The following GC variants were observed in gnomAD, a reference collection of about 807,000 sequenced individuals.
GC encodes the protein vitamin D-binding protein.
Under a neutral mutation model 56.7 loss-of-function variants are expected in GC, and 43 were observed. The ratio of observed to expected loss-of-function variants is 0.76; its 90% CI spans 0.59 to 0.98. The LOEUF (loss-of-function observed/expected upper bound fraction) is 0.98, where lower values mean the gene tolerates loss of function less well. GC is among the 50% of genes least tolerant of loss of function. The pLI, the probability that GC is intolerant of heterozygous loss-of-function variation, is 0.00. For synonymous variants in GC, 216 were observed against 202.7 expected (o/e 1.07, Z -0.56); for missense variants, 529 against 545.9 (o/e 0.97, Z 0.31).
chr4:71,756,649 GC>G, intron 8 of GC, 62 bp downstream of exon 8: 1 of 1,090,068 alleles, frequency 9.2e-7, no homozygotes, highest in East Asian at 2.4e-5. Context: ...CATCTGGCTG[GC>G]CCCCACTTTT....
At chr4:71,759,954 C>T (rs893192387) in intron 6 of GC, among the ~76,000 whole-genome samples, 6 of 151,798 alleles carry the variant, frequency 4.0e-5, no homozygotes, top group East Asian at 1.9e-4. Flanking sequence ...ACTATCTCTA[C>T]GTAAAAGGAA....
chr4:71,790,525 T>A (rs1742942545), intron 1 of GC, among the ~76,000 whole-genome samples: 1 of 151,898 alleles, frequency 6.6e-6, no homozygotes, highest in Admixed American at 6.6e-5. Flanking sequence ...TTCTGATTAT[T>A]TTTTCATATG....
chr4:71,795,026 T>C (rs1041894747), intron 1 of GC, among the ~76,000 whole-genome samples: 5 of 152,282 alleles, frequency 3.3e-5, no homozygotes, highest in African/African-American at 1.2e-4. Context: ...TGAGAGATAG[T>C]TTGTTGTGAT....
intron 1 of GC, among the ~76,000 whole-genome samples, chr4:71,797,403 C>A (rs889829460): frequency 2.6e-5 from 4 of 152,246 alleles, no homozygotes; most frequent in Non-Finnish European, 4.4e-5. Flanking sequence ...ATGGGGGACA[C>A]CCCTCCTCCC....
At position 71,792,371 on chromosome 4, in the gene GC, G is replaced by T. The variant is rs111617562; in HGVS notation, c.22-8317C>A. Among the ~76,000 whole-genome samples the T allele has an allele frequency of 1.7e-4, 26 of 152,318 alleles. 2 individuals carry two copies. Among genetic ancestry groups the T allele is most frequent in the African/African-American group, 6.3e-4 (26 of 41,570 alleles). On this transcript the variant is annotated intron_variant, in intron 1 of 13. Transcript: ENST00000504199. The stretch of plus-strand genomic sequence containing the variant: ...ATGATCACCATTCTAACTGGCGTGA[G>T]ATGGTATCTCATTGTGGTTTTGATT...
intron 7 of GC, 61 bp downstream of exon 7, chr4:71,757,981 A>G: frequency 6.9e-7 from 1 of 1,454,186 alleles, no homozygotes; most frequent in Non-Finnish European, 9.5e-7. Flanking sequence ...AGTACCTGCC[A>G]CTCAGTACTT....
At chr4:71,793,396 T>G (rs552908077) in intron 1 of GC, among the ~76,000 whole-genome samples, 1 of 152,344 alleles carries the variant, frequency 6.6e-6, no homozygotes. Flanking sequence ...GTTGTATTCC[T>G]AGGTATTTTA....
upstream of GC, chr4:71,784,406 T>G (rs1742780800): frequency 1.5e-6 from 1 of 678,918 alleles, no homozygotes; most frequent in South Asian, 6.7e-5. Context: ...GCTGTGTGTC[T>G]TCTTTGGACA....
chr4:71,783,473 A>G (rs553947363), intron 1 of GC, among the ~76,000 whole-genome samples: 1 of 151,898 alleles, frequency 6.6e-6, no homozygotes, highest in Admixed American at 6.6e-5. Context: ...TTAAAAATAC[A>G]ATGCATTTTC....
intron 1 of GC, among the ~76,000 whole-genome samples, chr4:71,776,740 T>C (rs148548433): frequency 1.8e-4 from 28 of 152,050 alleles, no homozygotes; most frequent in African/African-American, 6.5e-4. Context: ...AACTATTCCA[T>C]TGTGCCCCAG....
intron 2 of GC, 109 bp downstream of exon 2, chr4:71,769,222 C>T (rs928392850): frequency 2.5e-6 from 2 of 787,576 alleles, no homozygotes; most frequent in Non-Finnish European, 4.2e-6. Flanking sequence ...TGTCCTCTTA[C>T]TCTTGGCAAG....
intron 4 of GC, among the ~76,000 whole-genome samples, chr4:71,764,603 TTTA>T (rs1742098647): frequency 6.6e-6 from 1 of 152,138 alleles, no homozygotes; most frequent in African/African-American, 2.4e-5. Flanking sequence ...TCTATCTCAG[TTTA>T]TTACTTTAGA....
At chr4:71,769,609 C>A in intron 1 of GC, 1 of 503,594 alleles carries the variant, frequency 2.0e-6, no homozygotes, top group Non-Finnish European at 3.6e-6. Context: ...TTTTAGTCAC[C>A]AGCAGAACAA....
chr4:71,750,910 A>T (rs369091055), intron 11 of GC, among the ~76,000 whole-genome samples: 1 of 132,628 alleles, frequency 7.5e-6, no homozygotes, highest in African/African-American at 2.9e-5. Context: ...CAAAAAAAAA[A>T]CGGGTTTAAG....
chr4:71,790,755 T>C (rs1394580342), intron 1 of GC, among the ~76,000 whole-genome samples: 1 of 151,452 alleles, frequency 6.6e-6, no homozygotes, highest in Admixed American at 6.6e-5. Flanking sequence ...TTTCTTTTTT[T>C]TAATTTAATT....
intron 11 of GC, among the ~76,000 whole-genome samples, chr4:71,749,255 C>T (rs556819603): frequency 2.3e-4 from 35 of 152,212 alleles, no homozygotes; most frequent in African/African-American, 7.9e-4. Context: ...AATTTACTGT[C>T]GATAAAGCAA....
upstream of GC, among the ~76,000 whole-genome samples, chr4:71,784,860 G>A (rs1742795140): frequency 1.3e-5 from 2 of 151,664 alleles, no homozygotes; most frequent in Non-Finnish European, 3.0e-5. Context: ...AGCTCAGAGA[G>A]GCCCTGTAGG....
intron 1 of GC, among the ~76,000 whole-genome samples, chr4:71,790,141 T>C (rs1466632859): frequency 6.6e-6 from 1 of 152,036 alleles, no homozygotes; most frequent in Non-Finnish European, 1.5e-5. Flanking sequence ...ATGATAATAC[T>C]TTGTCTCGAA....
Position 71,768,294 on chromosome 4 carries a change from A to C in GC, c.261+7T>G, listed in dbSNP as rs535965317. 572 of 1,589,970 alleles carry C rather than the reference A, an allele frequency of 3.6e-4. 5 individuals are homozygous for C. In the South Asian group the frequency reaches 6.3e-3, roughly 17 times the overall value. On this transcript the variant is annotated splice_region_variant and intron_variant, in intron 3 of 12. Coordinates refer to ENST00000273951, the MANE Select transcript of GC (RefSeq NM_000583.4). Reference sequence around the variant, plus strand: ...TGCCACAGAGACGGCCAGCCACAGAAACCTACCCTGGTGTCATAGCAGTCA... The same window carrying C: ...TGCCACAGAGACGGCCAGCCACAGACACCTACCCTGGTGTCATAGCAGTCA...
Sources: gnomAD v4.1 joint callset for allele counts (sites outside exome capture counted in the v4.1 genomes callset) on GRCh38, gnomAD v4.1.1 for gene constraint, MANE v1.5 for transcripts, NCBI Gene and HGNC (gene_info 2026-07-23, HGNC 2026-07-21) for gene names.